The following CAP2 variants were observed in gnomAD, a reference collection of about 807,000 sequenced individuals.
The protein encoded by CAP2 is cyclase associated actin cytoskeleton regulatory protein 2, also known as adenylyl cyclase-associated protein 2.
In CAP2, 24 loss-of-function variants were observed where a neutral mutation model predicts 57.7. The ratio of observed to expected loss-of-function variants is 0.42; its 90% CI spans 0.30 to 0.58. CAP2 has a LOEUF of 0.58. CAP2 is among the 20% of genes least tolerant of loss of function. The pLI is 0.22. For synonymous variants in CAP2, 194 were observed against 207.2 expected, an observed-to-expected ratio of 0.94 and a Z score of 0.55; for missense variants, 501 against 590.3, an observed-to-expected ratio of 0.85 and a Z score of 1.57.
intron 4 of CAP2, among the ~76,000 whole-genome samples, chr6:17,495,731 C>G (rs1761646714): frequency 6.6e-6 from 1 of 151,936 alleles, no homozygotes; most frequent in Non-Finnish European, 1.5e-5. Context: ...GTGTGTGCTG[C>G]AAAAGAAAAA....
intron 7 of CAP2, among the ~76,000 whole-genome samples, chr6:17,520,170 C>T (rs979278762): frequency 2.0e-5 from 3 of 152,094 alleles, no homozygotes; most frequent in Admixed American, 6.6e-5. Context: ...TACAGTGGCA[C>T]GATTGCAGCT....
intron 1 of CAP2, among the ~76,000 whole-genome samples, chr6:17,408,610 A>C (rs1156596214): frequency 6.6e-6 from 1 of 152,118 alleles, no homozygotes. Flanking sequence ...TTGATAAAGT[A>C]AAACATTCCT....
chr6:17,503,966 C>G (rs1761906843), intron 4 of CAP2, among the ~76,000 whole-genome samples: 2 of 152,232 alleles, frequency 1.3e-5, no homozygotes, highest in African/African-American at 4.8e-5. Context: ...TTTTTCCCCT[C>G]CTTCAGTAAT....
chr6:17,536,273 G>A (rs1190877633), intron 7 of CAP2: 2 of 456,602 alleles, frequency 4.4e-6, no homozygotes, highest in African/African-American at 4.0e-5. Flanking sequence ...AAGTGACTTT[G>A]CAAGGGGCAG....
At chr6:17,484,356 T>C (rs1289080074) in intron 4 of CAP2, among the ~76,000 whole-genome samples, 2 of 152,162 alleles carry the variant, frequency 1.3e-5, no homozygotes, top group Non-Finnish European at 2.9e-5. Flanking sequence ...TCCTGTGTCA[T>C]GAATTGTTGG....
chr6:17,453,009 G>A (rs1760454703), intron 3 of CAP2, among the ~76,000 whole-genome samples: 1 of 152,206 alleles, frequency 6.6e-6, no homozygotes, highest in Non-Finnish European at 1.5e-5. Flanking sequence ...AAGATACAGG[G>A]ATGTTATGGT....
Position 17,396,637 on chromosome 6 carries a change from G to T in CAP2, c.-2+2891G>T, listed in dbSNP as rs552829645. On this transcript the variant is annotated intron_variant, in intron 1 of 12. Transcript: ENST00000229922. ...GAAAGTAGATTTTTTGTTGCTTAGG[G>T]CTGAAGGGGCTGGAGGTGGGTTGAG... 5.9e-5 allele frequency among the ~76,000 whole-genome samples: 9 copies of T among 152,308 alleles called. No individual in the cohort carries two copies. In the East Asian group the frequency reaches 1.7e-3, roughly 29 times the overall value.
chr6:17,527,941 C>T (rs1282253578), intron 7 of CAP2, among the ~76,000 whole-genome samples: 3 of 152,072 alleles, frequency 2.0e-5, no homozygotes, highest in Non-Finnish European at 4.4e-5. Context: ...ACTCTGAGGG[C>T]TTGGTCTGCT....
At chr6:17,426,496 A>G (rs1759594362) in intron 2 of CAP2, 94 bp from the exon 3 acceptor site, 4 of 867,736 alleles carry the variant, frequency 4.6e-6, no homozygotes, top group South Asian at 2.7e-5. Flanking sequence ...CGGACTCCCA[A>G]AGTGCTAGGA....
At chr6:17,541,894 C>T (rs546340774) in intron 9 of CAP2, among the ~76,000 whole-genome samples, 1 of 152,214 alleles carries the variant, frequency 6.6e-6, no homozygotes, top group Non-Finnish European at 1.5e-5. Context: ...GCATTCTTTT[C>T]TTCAACTTTT....
At chr6:17,538,808 C>T (rs967494085) in intron 7 of CAP2, among the ~76,000 whole-genome samples, 5 of 152,170 alleles carry the variant, frequency 3.3e-5, no homozygotes, top group African/African-American at 4.8e-5. Flanking sequence ...TAAAAAGGTT[C>T]GGAAACATCC....
Position 17,477,164 on chromosome 6 carries a change from G to A in CAP2, c.300+14091G>A, listed in dbSNP as rs550505169. Among the ~76,000 whole-genome samples the A allele has an allele frequency of 1.1e-4, 17 of 152,246 alleles. No homozygotes were observed. The East Asian group carries it at 2.9e-3, about 26-fold the overall frequency. ...GCTGGGATTACAGGCGTGAGCCACCGTGCCCGGCCTTATTTTCTTCTTTCT... is the reference window on the plus strand; with the variant it reads ...GCTGGGATTACAGGCGTGAGCCACCATGCCCGGCCTTATTTTCTTCTTTCT... On this transcript the variant is annotated intron_variant, in intron 4 of 12. Coordinates refer to ENST00000229922, the MANE Select transcript of CAP2 (RefSeq NM_006366.3).
intron 3 of CAP2, among the ~76,000 whole-genome samples, chr6:17,432,036 C>T (rs1289315962): frequency 6.6e-6 from 1 of 152,088 alleles, no homozygotes; most frequent in Non-Finnish European, 1.5e-5. Flanking sequence ...GAACATCAGC[C>T]TCCTTCATCT....
chr6:17,464,480 C>T (rs998032272), intron 4 of CAP2, among the ~76,000 whole-genome samples: 11 of 152,258 alleles, frequency 7.2e-5, no homozygotes, highest in African/African-American at 2.2e-4. Flanking sequence ...CTCCCTGGAA[C>T]GGACATTCCC....
chr6:17,444,359 C>T (rs1760184746), intron 3 of CAP2, among the ~76,000 whole-genome samples: 1 of 152,200 alleles, frequency 6.6e-6, no homozygotes, highest in Non-Finnish European at 1.5e-5. Flanking sequence ...AAATCATCAG[C>T]TAGGCGTGGT....
intron 4 of CAP2, among the ~76,000 whole-genome samples, chr6:17,494,139 G>A (rs115493680): frequency 0.027 from 4,045 of 152,222 alleles, 75 homozygotes; most frequent in Non-Finnish European, 0.041. Flanking sequence ...CTAGTTCTGC[G>A]TTTACCCTCC....
At chr6:17,505,240 C>G (rs949384626) in intron 4 of CAP2, among the ~76,000 whole-genome samples, 5 of 152,180 alleles carry the variant, frequency 3.3e-5, no homozygotes, top group African/African-American at 7.2e-5. Context: ...CAAGGCCATT[C>G]TAATTCCAAA....
chr6:17,535,152 A>AT (rs1204561028), intron 7 of CAP2, among the ~76,000 whole-genome samples: 1 of 152,172 alleles, frequency 6.6e-6, no homozygotes. Flanking sequence ...TGGAGATAAA[A>AT]ACTGAGCCAG....
chr6:17,539,232 T>A, intron 7 of CAP2, 37 bp from the exon 8 acceptor site: 1 of 1,572,460 alleles, frequency 6.4e-7, no homozygotes, highest in Non-Finnish European at 8.7e-7. Flanking sequence ...GGGCGCAGTC[T>A]CAATGCAATG....
Sources: allele counts gnomAD v4.1 joint callset (sites outside exome capture counted in the v4.1 genomes callset), GRCh38; gene constraint gnomAD v4.1.1; transcripts MANE v1.5; gene names NCBI Gene and HGNC (gene_info 2026-07-23, HGNC 2026-07-21).